The following KLHDC10 variants were observed in gnomAD, a reference collection of about 807,000 sequenced individuals.
KLHDC10 encodes kelch domain-containing protein 10.
In KLHDC10, 24 loss-of-function variants were observed where a neutral mutation model predicts 56.1. The ratio of observed to expected loss-of-function variants is 0.43; its 90% confidence interval spans 0.31 to 0.60. The LOEUF (loss-of-function observed/expected upper bound fraction) is 0.60. KLHDC10 is among the 20% of genes least tolerant of loss of function. KLHDC10 has a pLI of 0.11. For synonymous variants in KLHDC10, 188 were observed against 207.1 expected, an observed-to-expected ratio of 0.91 and a Z score of 0.79; for missense variants, 349 against 567.0, an observed-to-expected ratio of 0.62 and a Z score of 3.91.
chr7:130,122,860 T>C (rs1796266447), intron 5 of KLHDC10, among the ~76,000 whole-genome samples: 1 of 152,234 alleles, frequency 6.6e-6, no homozygotes, highest in African/African-American at 2.4e-5. Context: ...ATTTCCCTTC[T>C]TAACTTGCAT....
intron 7 of KLHDC10, 48 bp from the exon 8 acceptor site, chr7:130,127,356 C>A (rs149243190): frequency 5.3e-6 from 8 of 1,511,390 alleles, no homozygotes; most frequent in Non-Finnish European, 7.4e-6. Flanking sequence ...AGTGTGGTTC[C>A]CAGTCTTTCT....
intron 2 of KLHDC10, among the ~76,000 whole-genome samples, chr7:130,106,369 G>A (rs1796008544): frequency 6.6e-6 from 1 of 152,148 alleles, no homozygotes; most frequent in Non-Finnish European, 1.5e-5. Context: ...GGGGTAATAA[G>A]ATACAGATCT....
At chr7:130,085,138 G>A (rs1248678904) in intron 1 of KLHDC10, among the ~76,000 whole-genome samples, 1 of 151,724 alleles carries the variant, frequency 6.6e-6, no homozygotes, top group African/African-American at 2.4e-5. Context: ...TTTGAGACCA[G>A]CCTGGCCAAC....
intron 2 of KLHDC10, among the ~76,000 whole-genome samples, chr7:130,112,131 A>G (rs929438542): frequency 6.6e-6 from 1 of 152,242 alleles, no homozygotes; most frequent in African/African-American, 2.4e-5. Context: ...ACATTTGTAT[A>G]CAAATATATG....
intron 2 of KLHDC10, among the ~76,000 whole-genome samples, chr7:130,104,640 A>G (rs1257059822): frequency 6.6e-6 from 1 of 152,184 alleles, no homozygotes; most frequent in African/African-American, 2.4e-5. Flanking sequence ...TGCAGGCTGT[A>G]TAGGAAGCAT....
chr7:130,117,345 C>G (rs536871950), intron 3 of KLHDC10, among the ~76,000 whole-genome samples: 23 of 152,224 alleles, frequency 1.5e-4, no homozygotes, highest in Admixed American at 7.8e-4. Flanking sequence ...TTTGCTGCAT[C>G]AATTGGCTCT....
At chr7:130,087,612 A>G (rs1475141745) in intron 1 of KLHDC10, among the ~76,000 whole-genome samples, 1 of 152,154 alleles carries the variant, frequency 6.6e-6, no homozygotes, top group Non-Finnish European at 1.5e-5. Context: ...AGCTCCTGCC[A>G]TATGGTTTCA....
intron 2 of KLHDC10, among the ~76,000 whole-genome samples, chr7:130,114,573 A>G (rs1239605258): frequency 1.3e-5 from 2 of 152,138 alleles, no homozygotes; most frequent in East Asian, 3.9e-4. Flanking sequence ...TTTTTCTTCC[A>G]CACCACACTT....
intron 8 of KLHDC10, among the ~76,000 whole-genome samples, chr7:130,128,889 A>AAATATATATAT: frequency 8.1e-4 from 54 of 66,944 alleles, no homozygotes; most frequent in African/African-American, 3.7e-3. Context: ...AAAAAAAAAA[A>AAATATATATAT]ATATATATAT....
intron 8 of KLHDC10, among the ~76,000 whole-genome samples, chr7:130,128,303 G>C (rs985424709): frequency 2.0e-5 from 3 of 152,158 alleles, no homozygotes; most frequent in African/African-American, 7.2e-5. Context: ...GCTTAAACTT[G>C]GTCTAGACCT....
chr7:130,079,255 A>G (rs889159822), intron 1 of KLHDC10, among the ~76,000 whole-genome samples: 1 of 151,752 alleles, frequency 6.6e-6, no homozygotes, highest in South Asian at 2.1e-4. Flanking sequence ...ACAGGGTTTC[A>G]CCATGTTGGC....
intron 1 of KLHDC10, among the ~76,000 whole-genome samples, chr7:130,073,293 CT>C (rs768140763): frequency 0.027 from 3,307 of 122,882 alleles, 73 homozygotes; most frequent in African/African-American, 0.086. Context: ...TCCTATTTGT[CT>C]TTTTTTTTTT....
chr7:130,080,036 G>A lies in KLHDC10; in HGVS notation c.166+9227G>A, dbSNP rs545492775. Among the ~76,000 whole-genome samples, 7 of 151,864 alleles carry A rather than the reference G, an allele frequency of 4.6e-5. No homozygotes were observed. The South Asian group carries it at 1.0e-3, about 22-fold the overall frequency. On this transcript the variant is annotated intron_variant, in intron 1 of 9. Coordinates refer to ENST00000335420, the MANE Select transcript of KLHDC10 (RefSeq NM_014997.4). ...AGTTCACTGCAGCCTTGAATTCCTG[G>A]GCACATGCCAACCTCTTGCTTTAGC...
chr7:130,124,401 A>G (rs767845760), intron 5 of KLHDC10, 50 bp from the exon 6 acceptor site: 17 of 1,069,374 alleles, frequency 1.6e-5, no homozygotes, highest in South Asian at 7.7e-5. Context: ...TAAATCTTAG[A>G]TAGGTCATTT....
At chr7:130,107,230 T>G (rs931865799) in intron 2 of KLHDC10, among the ~76,000 whole-genome samples, 1 of 152,166 alleles carries the variant, frequency 6.6e-6, no homozygotes, top group African/African-American at 2.4e-5. Context: ...TCAACCTTGT[T>G]CTGGAGTTTT....
At chr7:130,097,863 A>G (rs757186380) in intron 2 of KLHDC10, among the ~76,000 whole-genome samples, 1 of 152,160 alleles carries the variant, frequency 6.6e-6, no homozygotes, top group Non-Finnish European at 1.5e-5. Flanking sequence ...CTACTAATAC[A>G]TACTCCATAC....
At chr7:130,113,033 A>G (rs768480034) in intron 2 of KLHDC10, among the ~76,000 whole-genome samples, 1 of 152,244 alleles carries the variant, frequency 6.6e-6, no homozygotes, top group Non-Finnish European at 1.5e-5. Flanking sequence ...TATTTAACCC[A>G]GTATATTAAA....
intron 1 of KLHDC10, among the ~76,000 whole-genome samples, chr7:130,087,472 C>T (rs1795707128): frequency 6.6e-6 from 1 of 151,922 alleles, no homozygotes; most frequent in South Asian, 2.1e-4. Flanking sequence ...ATTAAAGCGT[C>T]ATAAGGCATA....
intron 8 of KLHDC10, among the ~76,000 whole-genome samples, chr7:130,129,027 G>A (rs1462439123): frequency 2.0e-5 from 3 of 151,042 alleles, no homozygotes; most frequent in African/African-American, 7.3e-5. Context: ...CCAGCCTTAA[G>A]TCTGTTATAG....
Sources: gnomAD v4.1 joint callset for allele counts (sites outside exome capture counted in the v4.1 genomes callset) on GRCh38, gnomAD v4.1.1 for gene constraint, MANE v1.5 for transcripts, NCBI Gene and HGNC (gene_info 2026-07-23, HGNC 2026-07-21) for gene names.